Variants in FHIT observed in about 807,000 individuals in gnomAD.
FHIT encodes the protein fragile histidine triad diadenosine triphosphatase, also known as bis(5'-adenosyl)-triphosphatase.
FHIT carries 19 observed loss-of-function variants against 17.9 expected under a neutral mutation model. The observed-to-expected ratio is 1.06, with a 90% CI of 0.74 to 1.56. FHIT has a LOEUF of 1.56. Among genes scored for constraint, FHIT ranks in the 40% most tolerant of loss-of-function variants. The pLI is 0.00. For synonymous variants in FHIT, 81 were observed against 69.7 expected (o/e 1.16, Z -0.81); for missense variants, 248 against 189.2 (o/e 1.31, Z -1.82).
At chr3:60,811,224 G>A (rs556957611) in intron 4 of FHIT, among the ~76,000 whole-genome samples, 1 of 152,248 alleles carries the variant, frequency 6.6e-6, no homozygotes, top group East Asian at 1.9e-4. Flanking sequence ...TCTACCATGA[G>A]CCTTTATTGG....
At chr3:60,266,497 G>T (rs1023084474) in intron 5 of FHIT, among the ~76,000 whole-genome samples, 21 of 152,046 alleles carry the variant, frequency 1.4e-4, no homozygotes, top group African/African-American at 5.1e-4. Flanking sequence ...GCACAATTCT[G>T]ATAATGTTCC....
At chr3:59,880,098 G>A (rs1703346039) in intron 8 of FHIT, among the ~76,000 whole-genome samples, 1 of 152,194 alleles carries the variant, frequency 6.6e-6, no homozygotes, top group Non-Finnish European at 1.5e-5. Flanking sequence ...GCATCAAACT[G>A]CCAAGAAGCT....
intron 1 of FHIT, among the ~76,000 whole-genome samples, chr3:61,221,251 A>G (rs1264726248): frequency 1.3e-5 from 2 of 152,226 alleles, no homozygotes; most frequent in Admixed American, 1.3e-4. Flanking sequence ...GGGATGCCCT[A>G]ACATGGCCCC....
chr3:60,817,155 C>T (rs1480669323), intron 4 of FHIT, among the ~76,000 whole-genome samples: 1 of 152,022 alleles, frequency 6.6e-6, no homozygotes, highest in Non-Finnish European at 1.5e-5. Flanking sequence ...CCATTTGCCA[C>T]TGCCTCCATT....
chr3:60,215,180 T>C (rs924212691), intron 5 of FHIT, among the ~76,000 whole-genome samples: 4 of 151,846 alleles, frequency 2.6e-5, no homozygotes, highest in African/African-American at 9.7e-5. Context: ...TAAAATAAGA[T>C]AAAAGTAATT....
chr3:60,093,815 C>G (rs1434042786), intron 5 of FHIT, among the ~76,000 whole-genome samples: 1 of 152,192 alleles, frequency 6.6e-6, no homozygotes, highest in Non-Finnish European at 1.5e-5. Flanking sequence ...ACCACCGGGT[C>G]TGTGGGAAAA....
intron 8 of FHIT, among the ~76,000 whole-genome samples, chr3:59,843,740 C>T (rs1310869299): frequency 6.7e-6 from 1 of 150,104 alleles, no homozygotes; most frequent in African/African-American, 2.4e-5. Flanking sequence ...TGTCTTATTG[C>T]TTTGTTGAAT....
intron 5 of FHIT, among the ~76,000 whole-genome samples, chr3:60,443,700 T>A (rs1216241593): frequency 2.6e-5 from 4 of 152,152 alleles, no homozygotes; most frequent in African/African-American, 7.2e-5. Context: ...GATTTTTGCA[T>A]CGATGTTCAT....
In FHIT at chr3:60,210,756, G is replaced by A. The variant is rs544258851; in HGVS notation, c.104-196604C>T. On this transcript the variant is annotated intron_variant, in intron 5 of 9. Transcript: ENST00000492590. ...TAAAGTTCAACAATATAGTATGTTG[G>A]CCAGACTTAGGGAACTAGGAATTCT... Among the ~76,000 whole-genome samples, 8 of 152,112 alleles carry A rather than the reference G, an allele frequency of 5.3e-5. No homozygotes were observed. The East Asian group carries it at 1.5e-3, about 29-fold the overall frequency.
rs140231056 is a variant in FHIT, at chr3:60,142,420, A to G, written c.104-128268T>C. On this transcript the variant is annotated intron_variant, in intron 5 of 9. Coordinates refer to ENST00000492590, the MANE Select transcript of FHIT (RefSeq NM_002012.4). ...CGGGTCAAGGGCTAATAGTGGTAGT[A>G]AATTGTTGCTTAAAATTTTATTTAT... Among the ~76,000 whole-genome samples, 793 of 152,346 alleles carry G rather than the reference A, an allele frequency of 5.2e-3. 4 individuals are homozygous for G. Among genetic ancestry groups the G allele is most frequent in the African/African-American group, 0.018 (758 of 41,592 alleles).
At chr3:60,298,645 TTA>T (rs1209744539) in intron 5 of FHIT, among the ~76,000 whole-genome samples, 1 of 152,204 alleles carries the variant, frequency 6.6e-6, no homozygotes. Flanking sequence ...TCTCTTCCTT[TTA>T]TAGTGTTCTG....
chr3:60,797,100 T>G lies in FHIT; in HGVS notation c.-18+24819A>C, dbSNP rs78682814. Among the ~76,000 whole-genome samples the G allele has an allele frequency of 2.7e-4, 41 of 152,330 alleles. No individual in the cohort carries two copies. In the East Asian group the frequency reaches 7.7e-3, roughly 29 times the overall value. On this transcript the variant is annotated intron_variant, in intron 4 of 9. Transcript: ENST00000492590. The stretch of plus-strand genomic sequence containing the variant: ...AAAGTTGTTTGCAAAATATTTTGCA[T>G]TTTCTAATCACCATAAGTGAAGTGA...
Position 59,838,382 on chromosome 3 carries a change from C to T in FHIT, c.348+83964G>A, listed in dbSNP as rs936580444. Among the ~76,000 whole-genome samples the T allele has an allele frequency of 3.9e-5, 6 of 152,320 alleles. No homozygotes were observed. In the South Asian group the frequency reaches 1.0e-3, roughly 26 times the overall value. On this transcript the variant is annotated intron_variant, in intron 8 of 9. Coordinates refer to ENST00000492590, the MANE Select transcript of FHIT (RefSeq NM_002012.4). ...CAACCCTCTCACAAACTAATTCAAACCTGTTTTCCAAACCACATTTATTCC... is the reference window on the plus strand; with the variant it reads ...CAACCCTCTCACAAACTAATTCAAATCTGTTTTCCAAACCACATTTATTCC...
At chr3:59,927,474 A>AAAC (rs1553718419) in intron 7 of FHIT, among the ~76,000 whole-genome samples, 4,540 of 151,096 alleles carry the variant, frequency 0.03, 246 homozygotes, top group African/African-American at 0.1. Context: ...AAAAAAAAAA[A>AAAC]AAAAAACTGA....
chr3:60,569,387 C>CT (rs2037255772), intron 4 of FHIT, among the ~76,000 whole-genome samples: 1 of 152,044 alleles, frequency 6.6e-6, no homozygotes, highest in African/African-American at 2.4e-5. Context: ...AGGCTAACTC[C>CT]TTTATCTTAT....
At chr3:61,176,821 A>G (rs2038170210) in intron 2 of FHIT, among the ~76,000 whole-genome samples, 1 of 152,168 alleles carries the variant, frequency 6.6e-6, no homozygotes, top group African/African-American at 2.4e-5. Flanking sequence ...TCCGTGTTCT[A>G]GCTGAGAGGA....
At chr3:60,466,793 A>G (rs1463723410) in intron 5 of FHIT, among the ~76,000 whole-genome samples, 1 of 142,328 alleles carries the variant, frequency 7.0e-6, no homozygotes, top group African/African-American at 2.6e-5. Flanking sequence ...GGATTTTTGC[A>G]TCTATATTCA....
At chr3:61,250,612 C>T (rs932955996) in intron 1 of FHIT, among the ~76,000 whole-genome samples, 1 of 152,082 alleles carries the variant, frequency 6.6e-6, no homozygotes, top group African/African-American at 2.4e-5. Context: ...GAGAAATCTG[C>T]AGATGCATCT....
intron 5 of FHIT, among the ~76,000 whole-genome samples, chr3:60,402,042 T>C (rs1701677689): frequency 6.6e-6 from 1 of 152,148 alleles, no homozygotes; most frequent in South Asian, 2.1e-4. Context: ...AATGCATGCT[T>C]GATTACTAAG....
Sources: gnomAD v4.1 joint callset for allele counts (sites outside exome capture counted in the v4.1 genomes callset) on GRCh38, gnomAD v4.1.1 for gene constraint, MANE v1.5 for transcripts, NCBI Gene and HGNC (gene_info 2026-07-23, HGNC 2026-07-21) for gene names.